RUNX1: variants seen among roughly 807,000 people sequenced by gnomAD.
RUNX1 encodes runt-related transcription factor 1.
A neutral mutation model predicts 42.8 loss-of-function variants in RUNX1; 19 were observed. The ratio of observed to expected loss-of-function variants is 0.44; its 90% CI spans 0.31 to 0.65. RUNX1 has a LOEUF of 0.65. RUNX1 is among the 30% of genes least tolerant of loss of function. The pLI, the probability that RUNX1 is intolerant of heterozygous loss-of-function variation, is 0.07. For synonymous variants in RUNX1, 271 were observed against 289.4 expected, an observed-to-expected ratio of 0.94 and a Z score of 0.64; for missense variants, 528 against 672.0, an observed-to-expected ratio of 0.79 and a Z score of 2.37.
chr21:34,935,253 T>C (rs2058476582), intron 2 of RUNX1, among the ~76,000 whole-genome samples: 1 of 152,066 alleles, frequency 6.6e-6, no homozygotes, highest in African/African-American at 2.4e-5. Context: ...TCCACTGCCA[T>C]GATTTCCTTC....
intron 3 of RUNX1, among the ~76,000 whole-genome samples, chr21:34,889,389 T>A (rs969772406): frequency 6.6e-6 from 1 of 151,680 alleles, no homozygotes; most frequent in African/African-American, 2.4e-5. Flanking sequence ...TAATGGGTGT[T>A]TTTTACCGCT....
intron 6 of RUNX1, among the ~76,000 whole-genome samples, chr21:34,847,479 ATAG>A (rs2057333735): frequency 6.7e-6 from 1 of 148,514 alleles, no homozygotes; most frequent in African/African-American, 2.5e-5. Flanking sequence ...CAAAACAATA[ATAG>A]ATTTTCTATT....
At chr21:34,810,504 C>G (rs1972701515) in intron 7 of RUNX1, among the ~76,000 whole-genome samples, 1 of 152,192 alleles carries the variant, frequency 6.6e-6, no homozygotes, top group Admixed American at 6.5e-5. Context: ...GGAACCTCAT[C>G]CCAGAGCTGT....
chr21:35,048,817 TA>T (rs754729856), intron 2 of RUNX1, 24 bp downstream of exon 2: 2 of 1,597,816 alleles, frequency 1.3e-6, no homozygotes, highest in East Asian at 4.5e-5. Context: ...CAAAAGTAGA[TA>T]TTACAAGACC....
Position 34,843,956 on chromosome 21 carries a change from TG to T in RUNX1, c.614-9356del, listed in dbSNP as rs770761520. On this transcript the variant is annotated intron_variant, in intron 6 of 8. Coordinates refer to ENST00000675419, the MANE Select transcript of RUNX1 (RefSeq NM_001754.5). This position sits in a 1 kb window ranked among gnomAD's most constrained non-coding sequence, Gnocchi z 4.8. The stretch of plus-strand genomic sequence containing the variant: ...GCTCTTGACCAGAGGTAGCCCTCTG[TG>T]GGGGAAGTGGAGGCAGTTTCTTAAG... Among the ~76,000 whole-genome samples the T allele has an allele frequency of 4.6e-5, 7 of 152,150 alleles. No individual in the cohort carries two copies. Among genetic ancestry groups the T allele is most frequent in the Non-Finnish European group, 8.8e-5 (6 of 68,018 alleles).
At chr21:34,813,386 T>A (rs994394900) in intron 7 of RUNX1, among the ~76,000 whole-genome samples, 1 of 152,100 alleles carries the variant, frequency 6.6e-6, no homozygotes, top group African/African-American at 2.4e-5. Context: ...CTCTTCAGGA[T>A]CGGGGAAAGC....
intron 2 of RUNX1, among the ~76,000 whole-genome samples, chr21:35,032,254 G>C (rs911975069): frequency 2.0e-5 from 3 of 152,182 alleles, no homozygotes; most frequent in African/African-American, 7.2e-5. Flanking sequence ...TGGATAAGTG[G>C]GACAATCCTT....
intron 7 of RUNX1, among the ~76,000 whole-genome samples, chr21:34,804,090 A>AAAT (rs1273645356): frequency 6.6e-6 from 1 of 152,226 alleles, no homozygotes; most frequent in Non-Finnish European, 1.5e-5. Context: ...AGAAGCAGGC[A>AAAT]AATATAGAGA....
intron 5 of RUNX1, among the ~76,000 whole-genome samples, chr21:34,872,901 C>T (rs2300395): frequency 0.43 from 65,503 of 152,002 alleles, 18,808 homozygotes; most frequent in African/African-American, 0.83. Flanking sequence ...CTGGGAAACA[C>T]TGAGCAAGAT....
intron 7 of RUNX1, among the ~76,000 whole-genome samples, chr21:34,822,218 G>A (rs925413804): frequency 6.6e-6 from 1 of 152,208 alleles, no homozygotes; most frequent in African/African-American, 2.4e-5. Context: ...AAAGGAAACA[G>A]TGCTGGGTCA....
intron 2 of RUNX1, among the ~76,000 whole-genome samples, chr21:35,018,446 G>C (rs1300452730): frequency 1.3e-5 from 2 of 152,166 alleles, no homozygotes; most frequent in African/African-American, 4.8e-5. Context: ...CAGACTTCCA[G>C]TCTCCAGAAT....
intron 2 of RUNX1, among the ~76,000 whole-genome samples, chr21:34,988,282 C>T (rs2058907402): frequency 6.6e-6 from 1 of 152,150 alleles, no homozygotes; most frequent in Non-Finnish European, 1.5e-5. Flanking sequence ...GTGGACACAG[C>T]CGGGGGAAAC....
At chr21:34,850,144 A>G (rs1407395173) in intron 6 of RUNX1, among the ~76,000 whole-genome samples, 2 of 152,232 alleles carry the variant, frequency 1.3e-5, no homozygotes, top group African/African-American at 4.8e-5. Flanking sequence ...CTGAAAGCAC[A>G]GGAGTTGATG....
rs1225897418 is a variant in RUNX1, at chr21:34,920,568, G to A, written c.59-27605C>T. On this transcript the variant is annotated intron_variant, in intron 2 of 8. Coordinates refer to ENST00000675419, the MANE Select transcript of RUNX1 (RefSeq NM_001754.5). ...AACACCTGGAAAGATCTTTTGGTATGACTGTCTGGAGAAGGTCTTAAACTT... is the reference window on the plus strand; with the variant it reads ...AACACCTGGAAAGATCTTTTGGTATAACTGTCTGGAGAAGGTCTTAAACTT... Among the ~76,000 whole-genome samples, 4 of 152,150 alleles carry A rather than the reference G, an allele frequency of 2.6e-5. No individual in the cohort carries two copies. The East Asian group carries it at 7.7e-4, about 29-fold the overall frequency.
intron 2 of RUNX1, among the ~76,000 whole-genome samples, chr21:34,917,986 AGGCTTG>A (rs756018796): frequency 1.3e-5 from 2 of 151,868 alleles, no homozygotes; most frequent in African/African-American, 2.4e-5. Flanking sequence ...AAAATTAGGT[AGGCTTG>A]GTGGTGGGTG....
intron 4 of RUNX1, among the ~76,000 whole-genome samples, chr21:34,881,147 T>G (rs994114868): frequency 2.0e-5 from 3 of 152,214 alleles, no homozygotes; most frequent in Non-Finnish European, 2.9e-5. Context: ...AAGCATCTCT[T>G]CTTAATTTCT....
chr21:34,847,426 ATTAATT>A (rs1189579574), intron 6 of RUNX1, among the ~76,000 whole-genome samples: 2 of 152,268 alleles, frequency 1.3e-5, no homozygotes. Context: ...CAATAAATCA[ATTAATT>A]TTATTTAAAA....
intron 7 of RUNX1, among the ~76,000 whole-genome samples, chr21:34,809,975 C>T (rs1301065104): frequency 2.0e-5 from 3 of 152,212 alleles, no homozygotes; most frequent in African/African-American, 7.2e-5. Flanking sequence ...GTGTGTCATG[C>T]CAGTTTGCAG....
At chr21:34,993,564 GAC>G (rs1305911792) in intron 2 of RUNX1, among the ~76,000 whole-genome samples, 2 of 74,520 alleles carry the variant, frequency 2.7e-5, no homozygotes, top group Non-Finnish European at 5.7e-5. Flanking sequence ...CACAGGCACA[GAC>G]ACACACAGGC....
Sources: gnomAD v4.1 joint callset for allele counts (sites outside exome capture counted in the v4.1 genomes callset) on GRCh38, gnomAD v4.1.1 for gene constraint, Gnocchi (gnomAD v3.1) non-coding constraint, MANE v1.5 for transcripts, NCBI Gene and HGNC (gene_info 2026-07-23, HGNC 2026-07-21) for gene names.